FRMD4B: variants seen among roughly 807,000 people sequenced by gnomAD.
FRMD4B encodes FERM domain-containing protein 4B.
In FRMD4B, 74 loss-of-function variants were observed where a neutral mutation model predicts 141.5. That is an observed-to-expected ratio of 0.52 (90% CI 0.43 to 0.63). The LOEUF (loss-of-function observed/expected upper bound fraction) is 0.63, where lower values mean the gene tolerates loss of function less well. Ranked by LOEUF, FRMD4B falls within the 30% of genes least tolerant of loss-of-function variation. The pLI is 0.00. For missense variants in FRMD4B, 1,366 were observed against 1,253.4 expected (o/e 1.09, Z -1.36); for synonymous variants, 506 against 467.9 (o/e 1.08, Z -1.05).
At chr3:69,473,147 G>A (rs1357331006) in intron 1 of FRMD4B, among the ~76,000 whole-genome samples, 1 of 152,116 alleles carries the variant, frequency 6.6e-6, no homozygotes, top group African/African-American at 2.4e-5. Context: ...CTTCTTTTCA[G>A]AAGTAATTTA....
intron 1 of FRMD4B, among the ~76,000 whole-genome samples, chr3:69,492,906 C>T (rs1299489014): frequency 1.3e-5 from 2 of 152,208 alleles, no homozygotes; most frequent in African/African-American, 4.8e-5. Flanking sequence ...CTAAGCATGA[C>T]ATATACTCTA....
In FRMD4B at chr3:69,218,317, C is replaced by A; in HGVS notation, c.789+5G>T. On this transcript the variant is annotated splice_donor_5th_base_variant and intron_variant, in intron 10 of 22. Transcript: ENST00000398540. ...ACGAAAGCTTTGTCATGTAAAATTACTTACCTTTACTGCATAATAATGGAC... is the reference window on the plus strand; with the variant it reads ...ACGAAAGCTTTGTCATGTAAAATTAATTACCTTTACTGCATAATAATGGAC... 7.0e-7 allele frequency: 1 copy of A among 1,438,076 alleles called. No individual in the cohort carries two copies. Among genetic ancestry groups the A allele is most frequent in the Admixed American group, 1.8e-5 (1 of 56,422 alleles). 89.1% of individuals were successfully genotyped at this position (1,438,076 alleles called of 1,614,324 possible).
At chr3:69,229,632 T>G (rs1442249909) in intron 7 of FRMD4B, among the ~76,000 whole-genome samples, 1 of 152,168 alleles carries the variant, frequency 6.6e-6, no homozygotes, top group African/African-American at 2.4e-5. Context: ...AAGCAGTGTA[T>G]AGAAGTAGAA....
At chr3:69,346,898 C>T (rs1012563959) in intron 1 of FRMD4B, among the ~76,000 whole-genome samples, 4 of 152,152 alleles carry the variant, frequency 2.6e-5, no homozygotes, top group Admixed American at 6.5e-5. Flanking sequence ...TAAAGACCAT[C>T]GAGGCTAGGA....
intron 11 of FRMD4B, among the ~76,000 whole-genome samples, chr3:69,210,777 G>T (rs763927296): frequency 6.6e-6 from 1 of 152,110 alleles, no homozygotes; most frequent in Non-Finnish European, 1.5e-5. Flanking sequence ...ACTTTGGGAG[G>T]CTCAGGCAGG....
intron 5 of FRMD4B, among the ~76,000 whole-genome samples, chr3:69,265,327 A>C (rs2093555707): frequency 7.1e-6 from 1 of 140,992 alleles, no homozygotes; most frequent in African/African-American, 2.6e-5. Context: ...CAGATATGAA[A>C]ATGAGAAAGG....
intron 1 of FRMD4B, among the ~76,000 whole-genome samples, chr3:69,451,142 T>A (rs1056116692): frequency 1.1e-4 from 17 of 152,148 alleles, no homozygotes; most frequent in Non-Finnish European, 2.4e-4. Context: ...CCTTTCCACA[T>A]CAGGGTAATA....
intron 4 of FRMD4B, among the ~76,000 whole-genome samples, chr3:69,294,671 A>C (rs938742216): frequency 6.6e-6 from 1 of 152,188 alleles, no homozygotes; most frequent in African/African-American, 2.4e-5. Flanking sequence ...CTGGAGGCCC[A>C]AAAGAGTCAG....
In FRMD4B at chr3:69,494,270, G is replaced by A. The variant is rs550553775; in HGVS notation, c.-129+47936C>T. Among the ~76,000 whole-genome samples the A allele has an allele frequency of 2.6e-5, 4 of 152,326 alleles. No homozygotes were observed. The South Asian group carries it at 8.3e-4, about 32-fold the overall frequency. Reference sequence around the variant, plus strand: ...AGGTGGTGTATACTGGGTGGGTCCAGGGTCTAGAAATAGATGTGGTCACTA... The same window carrying A: ...AGGTGGTGTATACTGGGTGGGTCCAAGGTCTAGAAATAGATGTGGTCACTA... On this transcript the variant is annotated intron_variant, in intron 1 of 5. Transcript: ENST00000459638.
chr3:69,211,285 A>G (rs2093076970), intron 11 of FRMD4B, among the ~76,000 whole-genome samples: 1 of 152,200 alleles, frequency 6.6e-6, no homozygotes, highest in East Asian at 1.9e-4. Context: ...TTAAAGAGAG[A>G]TTAAACAACA....
chr3:69,472,735 A>G (rs1705913007), intron 1 of FRMD4B, among the ~76,000 whole-genome samples: 1 of 152,094 alleles, frequency 6.6e-6, no homozygotes, highest in South Asian at 2.1e-4. Context: ...TCTCCGCTGC[A>G]GAGAGGGGAC....
intron 1 of FRMD4B, among the ~76,000 whole-genome samples, chr3:69,361,145 T>C (rs1466769707): frequency 1.3e-5 from 2 of 152,198 alleles, no homozygotes; most frequent in Non-Finnish European, 2.9e-5. Flanking sequence ...TTTCAATCCA[T>C]TAAAGTTATT....
intron 1 of FRMD4B, among the ~76,000 whole-genome samples, chr3:69,466,335 G>A (rs542463491): frequency 3.9e-5 from 6 of 152,020 alleles, no homozygotes; most frequent in African/African-American, 1.4e-4. Context: ...TTTCCATTCT[G>A]TAGGTTGCCT....
chr3:69,476,765 A>G (rs1176810887), intron 1 of FRMD4B, among the ~76,000 whole-genome samples: 1 of 152,110 alleles, frequency 6.6e-6, no homozygotes, highest in Non-Finnish European at 1.5e-5. Flanking sequence ...CTTGATGGGG[A>G]TGGCTTTGAA....
intron 11 of FRMD4B, among the ~76,000 whole-genome samples, chr3:69,206,714 T>C (rs1290535820): frequency 5.3e-5 from 8 of 152,228 alleles, no homozygotes; most frequent in African/African-American, 1.9e-4. Context: ...TCCAATAAAA[T>C]ACCTAATTTT....
At chr3:69,507,666 G>T (rs191451713) in intron 1 of FRMD4B, among the ~76,000 whole-genome samples, 1 of 152,182 alleles carries the variant, frequency 6.6e-6, no homozygotes, top group Admixed American at 6.5e-5. Flanking sequence ...GGTGTTTCTT[G>T]TATCAGATTT....
intron 9 of FRMD4B, among the ~76,000 whole-genome samples, chr3:69,219,415 C>A (rs985075147): frequency 7.9e-5 from 12 of 152,058 alleles, no homozygotes; most frequent in African/African-American, 2.7e-4. Context: ...AAGTAAATGG[C>A]CCGCATGCAA....
intron 2 of FRMD4B, among the ~76,000 whole-genome samples, chr3:69,394,089 T>C (rs73109407): frequency 0.26 from 39,593 of 152,158 alleles, 5,876 homozygotes; most frequent in East Asian, 0.46. Flanking sequence ...CAGGACTGAG[T>C]GGCCTAAACA....
intron 1 of FRMD4B, among the ~76,000 whole-genome samples, chr3:69,456,834 G>C (rs1705623623): frequency 6.6e-6 from 1 of 151,430 alleles, no homozygotes; most frequent in Non-Finnish European, 1.5e-5. Context: ...AGTTTTATTG[G>C]AGCACAGCCA....
Sources: allele counts gnomAD v4.1 joint callset (sites outside exome capture counted in the v4.1 genomes callset), GRCh38; gene constraint gnomAD v4.1.1; transcripts MANE v1.5; gene names NCBI Gene and HGNC (gene_info 2026-07-23, HGNC 2026-07-21).